The following TF variants were observed in gnomAD, a reference collection of about 807,000 sequenced individuals.
TF encodes the protein serotransferrin.
TF carries 55 observed loss-of-function variants against 82.4 expected under a neutral mutation model. The observed-to-expected ratio is 0.67, with a 90% CI of 0.54 to 0.84. TF has a LOEUF of 0.84. Among genes scored for constraint, TF ranks in the 40% least tolerant of loss-of-function variants. The pLI is 0.00. For synonymous variants in TF, 332 were observed against 332.6 expected, an observed-to-expected ratio of 1.00 and a Z score of 0.02; for missense variants, 737 against 868.4, an observed-to-expected ratio of 0.85 and a Z score of 1.90.
chr3:133,703,761 T>C, the TF span, among the ~76,000 whole-genome samples: 1 of 152,244 alleles, frequency 6.6e-6, no homozygotes, highest in South Asian at 2.1e-4. Context: ...TAGTGTATTA[T>C]CTAGAGAAAT....
Position 133,775,602 on chromosome 3 carries a change from A to G in TF, c.1857A>G (p.Ile619Met), listed in dbSNP as rs774467472. ...RKDKEACVHK[I>M]LRQQQHLFGS... ...ATAAGGAAGCTTGCGTCCACAAGAT[A>G]TTACGTCAACAGCAGGTATGGACCA... is the stretch of plus-strand genomic sequence containing the variant. The change falls in exon 15 of 17, where the codon ATA (isoleucine) becomes ATG (methionine). Residue 619 changes from isoleucine (I) to methionine (M), a missense_variant. Physicochemically the swap from Ile to Met is conservative, Grantham distance 10 (BLOSUM62 1). Transcript: ENST00000402696. 4 of 1,614,028 alleles carry G rather than the reference A, an allele frequency of 2.5e-6. No individual in the cohort carries two copies. The highest frequency in any genetic ancestry group is 3.4e-6 in the Non-Finnish European group (4 of 1,180,034).
chr3:133,740,339 T>C, the TF span, among the ~76,000 whole-genome samples: 1 of 152,042 alleles, frequency 6.6e-6, no homozygotes, highest in Middle Eastern at 3.2e-3. Flanking sequence ...CTCAGGGGGT[T>C]GGGGGCTAAG....
rs1249431840 is a variant in TF at position 133,759,236 on chromosome 3, G to A, written c.1110G>A (p.Glu370=). ...AGTGGTGTGCGCTGAGCCACCACGA[G>A]AGGCTCAAGTGTGATGAGTGGAGTG... ...PVKWCALSHH[E]RLKCDEWSVN... The change falls in exon 9 of 17, where the codon GAG becomes GAA. Residue 370 remains glutamate, a synonymous_variant. Transcript: ENST00000402696. 2.5e-6 allele frequency: 4 copies of A among 1,614,188 alleles called. No homozygotes were observed. The East Asian group carries it at 8.9e-5, about 36-fold the overall frequency.
At chr3:133,754,763 T>C (rs1253831776) in intron 4 of TF, 92 bp downstream of exon 4, 4 of 1,398,740 alleles carry the variant, frequency 2.9e-6, no homozygotes, top group Non-Finnish European at 4.1e-6. Flanking sequence ...TCAGCAGACA[T>C]GTGGGATGAA....
chr3:133,732,544 G>A, the TF span, among the ~76,000 whole-genome samples: 1 of 152,172 alleles, frequency 6.6e-6, no homozygotes, highest in South Asian at 2.1e-4. Flanking sequence ...CAGTGTGGAA[G>A]TTTTATTCTT....
chr3:133,704,742 G>A, the TF span, among the ~76,000 whole-genome samples: 1 of 152,200 alleles, frequency 6.6e-6, no homozygotes, highest in Non-Finnish European at 1.5e-5. Flanking sequence ...GAGGGGCTGA[G>A]CCACATGTGC....
At chr3:133,753,512 T>C (rs1226527469) in intron 2 of TF, 83 bp from the exon 3 acceptor site, 1 of 1,233,498 alleles carries the variant, frequency 8.1e-7, no homozygotes, top group African/African-American at 1.5e-5. Flanking sequence ...GGAGTCCTGG[T>C]AGCCACTCTC....
chr3:133,728,024 G>A, the TF span, among the ~76,000 whole-genome samples: 1 of 152,206 alleles, frequency 6.6e-6, no homozygotes, highest in Non-Finnish European at 1.5e-5. Context: ...TGAGAGATCA[G>A]CTGTTTGTCT....
the TF span, among the ~76,000 whole-genome samples, chr3:133,675,946 G>A: frequency 2.6e-5 from 4 of 152,102 alleles, no homozygotes; most frequent in Non-Finnish European, 4.4e-5. Flanking sequence ...TGTTGATCTC[G>A]TTTACAGTGA....
the TF span, chr3:133,709,481 A>G: frequency 0.21 from 31,671 of 152,666 alleles, 3,559 homozygotes; most frequent in Middle Eastern, 0.28. Flanking sequence ...CCTGAAAAAG[A>G]AGAAATTGCA....
the TF span, among the ~76,000 whole-genome samples, chr3:133,735,434 A>G: frequency 3.9e-5 from 6 of 152,176 alleles, no homozygotes; most frequent in African/African-American, 1.2e-4. Context: ...AGCCAGGAAC[A>G]AAACTGGACA....
chr3:133,773,771 G>T (rs1008744357), intron 14 of TF: 4 of 151,882 alleles, frequency 2.6e-5, no homozygotes, highest in Non-Finnish European at 5.9e-5. Flanking sequence ...TTAGGTTCTG[G>T]CTCATTCATT....
At chr3:133,723,452 G>T in the TF span, among the ~76,000 whole-genome samples, 1 of 149,410 alleles carries the variant, frequency 6.7e-6, no homozygotes, top group Non-Finnish European at 1.5e-5. Context: ...AGTACCATAG[G>T]GTTTCTTCAT....
At chr3:133,745,025 T>A (rs1933463299), upstream of TF, among the ~76,000 whole-genome samples, 1 of 152,218 alleles carries the variant, frequency 6.6e-6, no homozygotes, top group Non-Finnish European at 1.5e-5. Flanking sequence ...TTTATTTCCA[T>A]ACTTTGTGGT....
At chr3:133,701,271 T>G in the TF span, 122,560 of 152,112 alleles carry the variant, frequency 0.81, 49,711 homozygotes, top group African/African-American at 0.86. Flanking sequence ...AAGACATGAT[T>G]GCCCTGGCTC....
the TF span, among the ~76,000 whole-genome samples, chr3:133,677,370 G>A: frequency 6.6e-6 from 1 of 152,212 alleles, no homozygotes; most frequent in East Asian, 1.9e-4. Context: ...CGGGCACGGT[G>A]GCTCACGCCT....
intron 14 of TF, among the ~76,000 whole-genome samples, chr3:133,771,743 CAAAAA>C (rs71136494): frequency 1.9e-4 from 11 of 56,550 alleles, no homozygotes; most frequent in East Asian, 1.5e-3. Flanking sequence ...GACTCCGTCT[CAAAAA>C]AAAAAAAAAA....
rs1341934242 is a variant in TF at position 133,795,090 on chromosome 3, A to T, written c.*16470A>T. ...TAAATAATAGAGTTGGCTAAACAGA[A>T]GAGTATCTGTGCAGCTGCTGGCACT... On this transcript the variant is annotated 3_prime_UTR_variant, in exon 17 of 17. Coordinates refer to ENST00000402696, the MANE Select transcript of TF (RefSeq NM_001063.4). The T allele has an allele frequency of 2.0e-5, 3 of 152,238 alleles. No homozygotes were observed. Among genetic ancestry groups the T allele is most frequent in the South Asian group, 2.1e-4 (1 of 4,828 alleles). The allele number at this position is 152,238 out of a possible 1,614,324, so 9.4% of individuals were successfully genotyped here. A position where few individuals can be genotyped will look rare whatever the true frequency, so the allele number is the denominator to read the frequency against.
At chr3:133,748,246 C>A in intron 1 of TF, 166 bp from the exon 2 acceptor site, 1 of 905,032 alleles carries the variant, frequency 1.1e-6, no homozygotes, top group Non-Finnish European at 1.7e-6. Flanking sequence ...CTTCTATTGG[C>A]TCAGACTCAG....
Sources: allele counts gnomAD v4.1 joint callset (sites outside exome capture counted in the v4.1 genomes callset), GRCh38; gene constraint gnomAD v4.1.1; transcripts MANE v1.5; gene names NCBI Gene and HGNC (gene_info 2026-07-23, HGNC 2026-07-21).